COP1: variants seen among roughly 807,000 people sequenced by gnomAD.
COP1 encodes E3 ubiquitin-protein ligase COP1.
COP1 carries 24 observed loss-of-function variants against 101.3 expected under a neutral mutation model. That is an observed-to-expected ratio of 0.24 (90% confidence interval 0.17 to 0.33). The LOEUF is 0.33. Ranked by LOEUF, COP1 falls within the 10% of genes least tolerant of loss-of-function variation. COP1 has a pLI of 1.00. For missense variants in COP1, 663 were observed against 906.2 expected, an observed-to-expected ratio of 0.73 and a Z score of 3.45; for synonymous variants, 347 against 341.9, an observed-to-expected ratio of 1.01 and a Z score of -0.17.
chr1:176,172,228 G>C (rs1174170040), intron 3 of COP1, among the ~76,000 whole-genome samples: 1 of 152,068 alleles, frequency 6.6e-6, no homozygotes, highest in Non-Finnish European at 1.5e-5. Context: ...TTTTTATAGA[G>C]ACAAGGTCTC....
intron 6 of COP1, among the ~76,000 whole-genome samples, chr1:176,147,290 A>C (rs1691716597): frequency 6.6e-6 from 1 of 152,190 alleles, no homozygotes; most frequent in Non-Finnish European, 1.5e-5. Flanking sequence ...TTTCTAGACT[A>C]AAGCTTATTA....
intron 11 of COP1, among the ~76,000 whole-genome samples, chr1:176,070,713 G>C (rs916133924): frequency 6.6e-6 from 1 of 152,084 alleles, no homozygotes; most frequent in Admixed American, 6.6e-5. Context: ...GTGTAGTAGT[G>C]CCATCATAGC....
At chr1:175,976,208 C>T (rs978353330) in intron 18 of COP1, among the ~76,000 whole-genome samples, 1 of 143,386 alleles carries the variant, frequency 7.0e-6, no homozygotes, top group Admixed American at 7.2e-5. Flanking sequence ...TTATTCTGTT[C>T]AGAATATAAA....
intron 18 of COP1, among the ~76,000 whole-genome samples, chr1:175,955,875 C>T (rs1330732294): frequency 1.3e-5 from 2 of 149,632 alleles, no homozygotes; most frequent in Non-Finnish European, 3.0e-5. Flanking sequence ...ACAGTTATAC[C>T]ATGTTCATAG....
chr1:175,983,019 G>C (rs973025149), intron 18 of COP1, among the ~76,000 whole-genome samples: 2 of 152,150 alleles, frequency 1.3e-5, no homozygotes, highest in African/African-American at 4.8e-5. Context: ...ATTGTTAAGA[G>C]AATAAGATTT....
chr1:176,079,263 T>C (rs1678653873), intron 11 of COP1, among the ~76,000 whole-genome samples: 1 of 151,986 alleles, frequency 6.6e-6, no homozygotes, highest in South Asian at 2.1e-4. Flanking sequence ...GTGGACTGGA[T>C]AAAGAAAATG....
chr1:175,979,571 G>T (rs1655328339), intron 18 of COP1, among the ~76,000 whole-genome samples: 1 of 150,856 alleles, frequency 6.6e-6, no homozygotes, highest in South Asian at 2.1e-4. Context: ...TAATATAAAT[G>T]TAATAAAAAT....
chr1:175,959,660 T>A (rs149218998), intron 18 of COP1, among the ~76,000 whole-genome samples: 20 of 152,278 alleles, frequency 1.3e-4, no homozygotes, highest in African/African-American at 4.6e-4. Flanking sequence ...ACTACCTAGA[T>A]ACCTTTCTCT....
At position 175,947,187 on chromosome 1, in the gene COP1, T is replaced by C. The variant is rs772773763; in HGVS notation, c.2178+8A>G. ...GAGTTTAAAATGGAGATATAGTAAATAGCTTACCTTAATTGTACCCTGACT... is the reference window on the plus strand; with the variant it reads ...GAGTTTAAAATGGAGATATAGTAAACAGCTTACCTTAATTGTACCCTGACT... On this transcript the variant is annotated splice_region_variant and intron_variant, in intron 19 of 19. Coordinates refer to ENST00000367669, the MANE Select transcript of COP1 (RefSeq NM_022457.7). 10 of 1,591,156 alleles carry C rather than the reference T, an allele frequency of 6.3e-6. No homozygotes were observed. The highest frequency in any genetic ancestry group is 8.6e-6 in the Non-Finnish European group (10 of 1,159,550).
intron 1 of COP1, among the ~76,000 whole-genome samples, chr1:176,196,752 A>C (rs1250546819): frequency 1.3e-5 from 2 of 152,146 alleles, no homozygotes; most frequent in East Asian, 3.9e-4. Flanking sequence ...TTTAGAAGCC[A>C]GCACTGGCCA....
chr1:176,166,028 T>C (rs1455696982), intron 3 of COP1, among the ~76,000 whole-genome samples: 1 of 152,232 alleles, frequency 6.6e-6, no homozygotes, highest in Non-Finnish European at 1.5e-5. Context: ...CAAAATCTTA[T>C]ATACCATTAT....
intron 1 of COP1, among the ~76,000 whole-genome samples, chr1:176,185,295 A>G (rs561664214): frequency 6.6e-5 from 10 of 152,230 alleles, no homozygotes; most frequent in Non-Finnish European, 1.0e-4. Context: ...TTTATAGATG[A>G]GGGAACAGAA....
intron 15 of COP1, among the ~76,000 whole-genome samples, chr1:175,992,770 C>T (rs1228356955): frequency 1.3e-5 from 2 of 152,230 alleles, no homozygotes; most frequent in African/African-American, 4.8e-5. Context: ...GAGCCCACCA[C>T]AGCTCAAGGA....
intron 15 of COP1, chr1:176,017,415 G>A (rs1009454413): frequency 1.4e-4 from 21 of 152,230 alleles, no homozygotes; most frequent in African/African-American, 4.3e-4. Context: ...AAGAAAAGTC[G>A]GGAAAATCCC....
intron 18 of COP1, among the ~76,000 whole-genome samples, chr1:175,970,126 T>C (rs371770718): frequency 6.6e-6 from 1 of 152,184 alleles, no homozygotes; most frequent in African/African-American, 2.4e-5. Flanking sequence ...GCAAGGAATG[T>C]ACCTGGGGCA....
intron 3 of COP1, among the ~76,000 whole-genome samples, chr1:176,173,324 GAAAAAAAAA>G (rs11396126): frequency 1.1e-5 from 1 of 93,704 alleles, no homozygotes; most frequent in African/African-American, 4.5e-5. Context: ...AAAACAAAAT[GAAAAAAAAA>G]AAAAAAAAAA....
intron 11 of COP1, among the ~76,000 whole-genome samples, chr1:176,058,620 C>G (rs1010275002): frequency 1.3e-5 from 2 of 152,092 alleles, no homozygotes; most frequent in Admixed American, 6.5e-5. Flanking sequence ...AAAAACACTG[C>G]GGAAGGCCGC....
chr1:176,201,388 G>GA (rs994635687), intron 1 of COP1, among the ~76,000 whole-genome samples: 12 of 152,030 alleles, frequency 7.9e-5, no homozygotes, highest in African/African-American at 2.4e-4. Context: ...TATAAAATAT[G>GA]AAAAAATCAC....
intron 15 of COP1, among the ~76,000 whole-genome samples, chr1:175,996,309 C>A (rs1176916608): frequency 6.6e-6 from 1 of 152,252 alleles, no homozygotes; most frequent in Non-Finnish European, 1.5e-5. Flanking sequence ...TGGGCAAAAA[C>A]TGGAAGCATT....
Sources: allele counts gnomAD v4.1 joint callset (sites outside exome capture counted in the v4.1 genomes callset), GRCh38; gene constraint gnomAD v4.1.1; transcripts MANE v1.5; gene names NCBI Gene and HGNC (gene_info 2026-07-23, HGNC 2026-07-21).